Variants in KIF27 observed in about 807,000 individuals in gnomAD.
KIF27 encodes kinesin family member 27, also known as kinesin-like protein KIF27.
In KIF27, 84 loss-of-function variants were observed where a neutral mutation model predicts 141.8. The ratio of observed to expected loss-of-function variants is 0.59; its 90% CI spans 0.50 to 0.71. KIF27 has a LOEUF of 0.71. KIF27 is among the 30% of genes least tolerant of loss of function. KIF27 has a pLI of 0.00. For synonymous variants in KIF27, 471 were observed against 569.5 expected, an observed-to-expected ratio of 0.83 and a Z score of 2.46; for missense variants, 1,306 against 1,628.4, an observed-to-expected ratio of 0.80 and a Z score of 3.41.
intron 15 of KIF27, among the ~76,000 whole-genome samples, chr9:83,853,127 T>C (rs558004001): frequency 6.6e-6 from 1 of 152,344 alleles, no homozygotes; most frequent in African/African-American, 2.4e-5. Context: ...TACATTTTAA[T>C]TGATTTAAGC....
intron 2 of KIF27, among the ~76,000 whole-genome samples, chr9:83,913,699 A>T (rs1453317594): frequency 2.0e-5 from 3 of 152,216 alleles, no homozygotes; most frequent in Admixed American, 2.0e-4. Flanking sequence ...GGCCTCCCAA[A>T]GTGCTGGGAT....
At chr9:83,866,900 T>C (rs1361257408) in intron 13 of KIF27, among the ~76,000 whole-genome samples, 1 of 151,844 alleles carries the variant, frequency 6.6e-6, no homozygotes, top group African/African-American at 2.4e-5. Flanking sequence ...GTTTTTCATA[T>C]ATTCACAGTT....
intron 13 of KIF27, chr9:83,860,198 T>C (rs149632067): frequency 1.3e-5 from 2 of 152,328 alleles, no homozygotes; most frequent in East Asian, 1.9e-4. Flanking sequence ...TATTTGTATA[T>C]ACTACCATAA....
chr9:83,896,018 C>T (rs1280308072), intron 5 of KIF27, among the ~76,000 whole-genome samples: 2 of 139,400 alleles, frequency 1.4e-5, no homozygotes, highest in African/African-American at 5.4e-5. Context: ...TGCCATTGCA[C>T]TCCAGCCTGG....
intron 14 of KIF27, among the ~76,000 whole-genome samples, chr9:83,857,719 T>G (rs1177107636): frequency 6.6e-6 from 1 of 152,194 alleles, no homozygotes; most frequent in Non-Finnish European, 1.5e-5. Context: ...ACTTCTTTCT[T>G]GTATCTGCCA....
intron 3 of KIF27, among the ~76,000 whole-genome samples, chr9:83,904,279 CTT>C (rs1313542777): frequency 2.0e-5 from 3 of 152,162 alleles, no homozygotes; most frequent in African/African-American, 7.2e-5. Context: ...TCTAGTTTAT[CTT>C]GAGTCATGAG....
chr9:83,848,070 G>GATATATATGATATATATATGAT (rs10622451), intron 16 of KIF27, among the ~76,000 whole-genome samples: 1 of 43,240 alleles, frequency 2.3e-5, no homozygotes, highest in African/African-American at 1.7e-4. Context: ...TCATATATAT[G>GATATATATGATATATATATGAT]ATATATGATA....
chr9:83,910,972 A>G (rs1369021412), intron 2 of KIF27, among the ~76,000 whole-genome samples: 2 of 149,614 alleles, frequency 1.3e-5, no homozygotes, highest in African/African-American at 4.9e-5. Flanking sequence ...GGAATGTTGG[A>G]AAAAGGAATG....
chr9:83,870,941 T>G (rs777704174), intron 11 of KIF27, among the ~76,000 whole-genome samples: 1 of 152,140 alleles, frequency 6.6e-6, no homozygotes, highest in Non-Finnish European at 1.5e-5. Context: ...AGATAGGGTC[T>G]CACTCTGTAT....
At chr9:83,882,754 T>C (rs886293141) in intron 10 of KIF27, among the ~76,000 whole-genome samples, 9 of 152,188 alleles carry the variant, frequency 5.9e-5, no homozygotes, top group Non-Finnish European at 1.3e-4. Flanking sequence ...AAGCAAAGCA[T>C]GGAAAGGTGA....
chr9:83,884,399 G>A (rs1951920250), intron 9 of KIF27, among the ~76,000 whole-genome samples: 1 of 151,964 alleles, frequency 6.6e-6, no homozygotes, highest in Non-Finnish European at 1.5e-5. Flanking sequence ...CCAATAATCT[G>A]TCTGCTTGAA....
intron 3 of KIF27, among the ~76,000 whole-genome samples, chr9:83,907,469 T>C (rs1188922696): frequency 6.6e-6 from 1 of 152,078 alleles, no homozygotes; most frequent in Non-Finnish European, 1.5e-5. Flanking sequence ...AAATACTCTA[T>C]GATGAACATG....
At position 83,835,072 on chromosome 9, in the gene KIF27, C is replaced by G. The variant is rs1290035317; in HGVS notation, c.*1929G>C. Among the ~76,000 whole-genome samples, 1 of 149,340 alleles carries G rather than the reference C, an allele frequency of 6.7e-6. No homozygotes were observed. Among genetic ancestry groups the G allele is most frequent in the Non-Finnish European group, 1.5e-5 (1 of 67,468 alleles). On this transcript the variant is annotated 3_prime_UTR_variant, in exon 18 of 18. Coordinates refer to ENST00000297814, the MANE Select transcript of KIF27 (RefSeq NM_017576.4). Reference sequence around the variant, plus strand: ...TATAAGTTCCTTGTAAGATTATGTGCTATGCCTTAGTTAGAAATAATTAAT... The same window carrying G: ...TATAAGTTCCTTGTAAGATTATGTGGTATGCCTTAGTTAGAAATAATTAAT...
intron 16 of KIF27, among the ~76,000 whole-genome samples, chr9:83,847,210 C>A (rs774886777): frequency 1.5e-3 from 227 of 152,174 alleles, no homozygotes; most frequent in Non-Finnish European, 2.7e-3. Context: ...GTCATCAATA[C>A]CAGCTACGAC....
intron 17 of KIF27, among the ~76,000 whole-genome samples, chr9:83,841,287 T>C (rs1202511104): frequency 6.6e-6 from 1 of 152,198 alleles, no homozygotes; most frequent in Non-Finnish European, 1.5e-5. Flanking sequence ...GTCAGGTTGG[T>C]CTCGAACTCC....
chr9:83,920,533 G>C (rs1320950888), intron 1 of KIF27, among the ~76,000 whole-genome samples: 1 of 152,122 alleles, frequency 6.6e-6, no homozygotes, highest in Non-Finnish European at 1.5e-5. Flanking sequence ...CCGTACCCTT[G>C]ATTTCCCAGA....
intron 9 of KIF27, among the ~76,000 whole-genome samples, chr9:83,885,023 T>C (rs919438267): frequency 6.6e-6 from 1 of 152,216 alleles, no homozygotes; most frequent in African/African-American, 2.4e-5. Context: ...TGAACTAGAC[T>C]GGCAAACTCG....
Position 83,903,052 on chromosome 9 carries a change from C to T in KIF27, c.1458+8G>A, listed in dbSNP as rs781164371. On this transcript the variant is annotated splice_region_variant and intron_variant, in intron 4 of 17. Transcript: ENST00000297814. Reference sequence around the variant, plus strand: ...AAATAAATAAATAAATAAGTGATGTCTAAGTACCTGGCATTTCTTAAGCTC... The same window carrying T: ...AAATAAATAAATAAATAAGTGATGTTTAAGTACCTGGCATTTCTTAAGCTC... 22 of 1,542,940 alleles carry T rather than the reference C, an allele frequency of 1.4e-5. No individual in the cohort carries two copies. The highest frequency in any genetic ancestry group is 2.0e-5 in the Non-Finnish European group (22 of 1,124,902).
chr9:83,887,141 C>A lies in KIF27; in HGVS notation c.2139G>T (p.Lys713Asn), dbSNP rs1318640583. 2 of 1,592,436 alleles carry A rather than the reference C, an allele frequency of 1.3e-6. No individual in the cohort carries two copies. Among genetic ancestry groups the A allele is most frequent in the South Asian group, 2.3e-5 (2 of 86,506 alleles). Residue 713 changes from lysine to asparagine, a missense_variant, in exon 9 of 18, where the codon AAG becomes AAT. Around this residue, in one of 4 missense-constraint regions of KIF27, gnomAD observed 596 missense variants for 751.6 expected, o/e 0.79. Transcript: ENST00000297814. ...CTTCAGTAAGTATGCGTTCTGAATTCTTTAATTTTTGCAAATTCAATTCTT... is the reference window on the plus strand; with the variant it reads ...CTTCAGTAAGTATGCGTTCTGAATTATTTAATTTTTGCAAATTCAATTCTT... ...ESQELNLQKL[K>N]NSERILTEAK...
Sources: allele counts gnomAD v4.1 joint callset (sites outside exome capture counted in the v4.1 genomes callset), GRCh38; gene constraint gnomAD v4.1.1; regional missense constraint gnomAD v4.1.1; transcripts MANE v1.5; gene names NCBI Gene and HGNC (gene_info 2026-07-23, HGNC 2026-07-21).